ERC2: variants seen among roughly 807,000 people sequenced by gnomAD.
ERC2 encodes ELKS/RAB6-interacting/CAST family member 2, also known as ERC protein 2.
Under a neutral mutation model 114.8 loss-of-function variants are expected in ERC2, and 42 were observed. The observed-to-expected ratio is 0.37, with a 90% CI of 0.29 to 0.47. The LOEUF (loss-of-function observed/expected upper bound fraction) is 0.47, where lower values mean the gene tolerates loss of function less well. Ranked by LOEUF, ERC2 falls within the 20% of genes least tolerant of loss-of-function variation. ERC2 has a pLI of 0.99. For missense variants in ERC2, 939 were observed against 1,150.7 expected (o/e 0.82, Z 2.66); for synonymous variants, 454 against 425.5 (o/e 1.07, Z -0.82).
chr3:55,852,986 T>G (rs1221789318), intron 14 of ERC2, among the ~76,000 whole-genome samples: 2 of 152,186 alleles, frequency 1.3e-5, no homozygotes, highest in Admixed American at 6.5e-5. Context: ...GCCCTATACA[T>G]GCCAGTAGCA....
At chr3:55,969,396 C>CACAT (rs1331087354) in intron 12 of ERC2, among the ~76,000 whole-genome samples, 3 of 22,930 alleles carry the variant, frequency 1.3e-4, no homozygotes, top group African/African-American at 1.4e-4. Flanking sequence ...TACACATACA[C>CACAT]ACACACACAC....
chr3:56,348,954 AGG>A (rs1491422538), intron 2 of ERC2, among the ~76,000 whole-genome samples: 15 of 141,784 alleles, frequency 1.1e-4, no homozygotes, highest in South Asian at 2.4e-4. Flanking sequence ...GAAGGAAGGA[AGG>A]AAAGAAAGAA....
At chr3:55,952,167 A>T (rs1237864421) in intron 12 of ERC2, among the ~76,000 whole-genome samples, 2 of 68,440 alleles carry the variant, frequency 2.9e-5, no homozygotes, top group African/African-American at 4.9e-5. Flanking sequence ...ACACACACAC[A>T]CACACACACA....
chr3:55,711,373 C>T (rs760027360), intron 15 of ERC2, among the ~76,000 whole-genome samples: 4 of 152,008 alleles, frequency 2.6e-5, no homozygotes, highest in Non-Finnish European at 5.9e-5. Flanking sequence ...ATATTTATTC[C>T]CGCTGTTAAG....
intron 7 of ERC2, among the ~76,000 whole-genome samples, chr3:56,046,880 T>C (rs1214388642): frequency 6.6e-6 from 1 of 152,192 alleles, no homozygotes; most frequent in Non-Finnish European, 1.5e-5. Flanking sequence ...GCAGTAACCA[T>C]CTGCATTTAA....
intron 15 of ERC2, among the ~76,000 whole-genome samples, chr3:55,713,096 TTC>T (rs143906006): frequency 0.025 from 3,335 of 134,908 alleles, 99 homozygotes; most frequent in African/African-American, 0.079. Flanking sequence ...TCCTCTGCCA[TTC>T]TCTCTCTCTC....
In ERC2 at chr3:55,734,937, T is replaced by C. The variant is rs779340197; in HGVS notation, c.2565-19A>G. The C allele has an allele frequency of 1.3e-6, 2 of 1,521,302 alleles. No homozygotes were observed. The highest frequency in any genetic ancestry group is 1.8e-6 in the Non-Finnish European group (2 of 1,137,042). The allele number at this position is 1,521,302 out of a possible 1,614,324, so 94.2% of individuals were successfully genotyped here. A position where few individuals can be genotyped will look rare whatever the true frequency, so the allele number is the denominator to read the frequency against. On this transcript the variant is annotated intron_variant, in intron 14 of 17. Coordinates refer to ENST00000288221, the MANE Select transcript of ERC2 (RefSeq NM_015576.3). ...TTCCTGTCTGGTAAAATAAAGATTATTGAGATCATTTTTGTAAAATAAAAA... is the reference window on the plus strand; with the variant it reads ...TTCCTGTCTGGTAAAATAAAGATTACTGAGATCATTTTTGTAAAATAAAAA...
intron 14 of ERC2, among the ~76,000 whole-genome samples, chr3:55,746,497 C>G (rs924216246): frequency 2.0e-5 from 3 of 152,078 alleles, no homozygotes; most frequent in African/African-American, 7.2e-5. Flanking sequence ...GGTGATCGGC[C>G]TCCCAAAGTG....
intron 16 of ERC2, among the ~76,000 whole-genome samples, chr3:55,694,867 C>T (rs1053190668): frequency 3.9e-5 from 6 of 152,200 alleles, no homozygotes; most frequent in African/African-American, 1.4e-4. Flanking sequence ...AAAGGGTAGC[C>T]TGCATGGTGC....
chr3:56,462,496 G>A (rs968486395), intron 1 of ERC2, among the ~76,000 whole-genome samples: 2 of 152,126 alleles, frequency 1.3e-5, no homozygotes, highest in African/African-American at 2.4e-5. Flanking sequence ...ACTAGCCCAT[G>A]AAATCAAACT....
At chr3:55,570,044 G>T (rs1052446381) in intron 17 of ERC2, among the ~76,000 whole-genome samples, 1 of 151,904 alleles carries the variant, frequency 6.6e-6, no homozygotes, top group Admixed American at 6.6e-5. Context: ...ATTTTTAGTA[G>T]AGACGGGATT....
At chr3:56,201,985 T>C (rs1240310191) in intron 3 of ERC2, among the ~76,000 whole-genome samples, 1 of 152,174 alleles carries the variant, frequency 6.6e-6, no homozygotes, top group African/African-American at 2.4e-5. Context: ...CAGAGTCAAA[T>C]TGCAAAAACA....
intron 2 of ERC2, among the ~76,000 whole-genome samples, chr3:56,324,538 A>T (rs182387476): frequency 6.6e-6 from 1 of 152,192 alleles, no homozygotes; most frequent in Admixed American, 6.5e-5. Flanking sequence ...AAAGTCAAAA[A>T]TCAAAGCCAA....
chr3:56,253,623 G>C (rs2052327931), intron 3 of ERC2, among the ~76,000 whole-genome samples: 1 of 152,210 alleles, frequency 6.6e-6, no homozygotes. Flanking sequence ...AACTGTAGGT[G>C]TACAGACCAC....
At chr3:55,740,599 A>G (rs2065915750) in intron 14 of ERC2, among the ~76,000 whole-genome samples, 1 of 152,192 alleles carries the variant, frequency 6.6e-6, no homozygotes, top group African/African-American at 2.4e-5. Flanking sequence ...AAACTAGAGA[A>G]ATAAGAACAT....
chr3:55,530,027 A>C (rs1472703265), intron 17 of ERC2, among the ~76,000 whole-genome samples: 2 of 152,206 alleles, frequency 1.3e-5, no homozygotes, highest in Non-Finnish European at 2.9e-5. Context: ...CAAGAGGAAT[A>C]AAGGATTCCT....
At chr3:55,960,230 A>T (rs764804821) in intron 12 of ERC2, among the ~76,000 whole-genome samples, 10 of 152,134 alleles carry the variant, frequency 6.6e-5, no homozygotes, top group African/African-American at 1.2e-4. Flanking sequence ...CCCTTTCCCA[A>T]AGAATAAAAT....
intron 14 of ERC2, among the ~76,000 whole-genome samples, chr3:55,833,629 C>T (rs1278823120): frequency 2.6e-5 from 4 of 152,200 alleles, no homozygotes; most frequent in African/African-American, 9.6e-5. Context: ...TGGAAAGGAA[C>T]AACTGGTACC....
intron 3 of ERC2, among the ~76,000 whole-genome samples, chr3:56,252,778 A>AAAAAAAAAAG: frequency 6.6e-6 from 1 of 151,196 alleles, no homozygotes. Flanking sequence ...AAAAAAAAAG[A>AAAAAAAAAAG]CATGCCTTAC....
Sources: allele counts gnomAD v4.1 joint callset (sites outside exome capture counted in the v4.1 genomes callset), GRCh38; gene constraint gnomAD v4.1.1; transcripts MANE v1.5; gene names NCBI Gene and HGNC (gene_info 2026-07-23, HGNC 2026-07-21).